Variants in FMC1 observed in about 807,000 individuals in gnomAD.
The protein encoded by FMC1 is formation of mitochondrial complex V assembly factor 1, also known as protein FMC1 homolog.
Under a neutral mutation model 10.5 loss-of-function variants are expected in FMC1, and 6 were observed. That is an observed-to-expected ratio of 0.57 (90% CI 0.31 to 1.12). FMC1 has a LOEUF of 1.12. Among genes scored for constraint, FMC1 ranks in the 50% most tolerant of loss-of-function variants. The probability of loss-of-function intolerance (pLI) is 0.05; values close to 1 mark genes in which losing one functional copy is unlikely to be tolerated. For synonymous variants in FMC1, 59 were observed against 62.1 expected, an observed-to-expected ratio of 0.95 and a Z score of 0.24; for missense variants, 146 against 151.7, an observed-to-expected ratio of 0.96 and a Z score of 0.20.
In FMC1 at chr7:139,345,491, G is replaced by C. The variant is rs751373629; in HGVS notation, c.139-10G>C. 8.2e-5 allele frequency: 132 copies of C among 1,613,900 alleles called. No homozygotes were observed. The South Asian group carries it at 1.1e-3, about 13-fold the overall frequency. On this transcript the variant is annotated splice_polypyrimidine_tract_variant and intron_variant, in intron 1 of 1. Transcript: ENST00000297534. Reference sequence around the variant, plus strand: ...CTGGGTTAAGAATTTCTGACTTGCTGCTTCTCTAGGTCACCAGTGAAAAGT... The same window carrying C: ...CTGGGTTAAGAATTTCTGACTTGCTCCTTCTCTAGGTCACCAGTGAAAAGT...
At chr7:139,343,666 G>A (rs1799112773) in intron 1 of FMC1, among the ~76,000 whole-genome samples, 1 of 152,144 alleles carries the variant, frequency 6.6e-6, no homozygotes, top group South Asian at 2.1e-4. Flanking sequence ...CAGGAGCGGT[G>A]GCTCACACCT....
chr7:139,345,421 G>T, intron 1 of FMC1, 80 bp from the exon 2 acceptor site: 11 of 1,565,168 alleles, frequency 7.0e-6, no homozygotes, highest in Non-Finnish European at 9.5e-6. Flanking sequence ...TCACTCTAGT[G>T]AATGCTTATT....
At chr7:139,341,719 G>T (rs6965212) in intron 1 of FMC1, among the ~76,000 whole-genome samples, 197 bp downstream of exon 1, 56,126 of 151,810 alleles carry the variant, frequency 0.37, 14,953 homozygotes, top group African/African-American at 0.76. Flanking sequence ...GGACCAGCGG[G>T]GGGGGGCGCA....
upstream of FMC1, chr7:139,341,035 C>G (rs931772180): frequency 4.5e-6 from 1 of 223,328 alleles, no homozygotes; most frequent in Non-Finnish European, 8.8e-6. Context: ...CAAATCCACA[C>G]CCACACCCCC....
Position 139,345,847 on chromosome 7 carries a change from T to C in FMC1, c.*143T>C. 1 of 902,686 alleles carries C rather than the reference T, an allele frequency of 1.1e-6. No homozygotes were observed. Among genetic ancestry groups the C allele is most frequent in the South Asian group, 2.1e-5 (1 of 47,088 alleles). 55.9% of individuals were successfully genotyped at this position (902,686 alleles called of 1,614,324 possible). ...AGTTCTTAGGGGAATTAACTGGACA[T>C]TTCATCTTTACTCTCAGTGAATTTA... On this transcript the variant is annotated 3_prime_UTR_variant, in exon 2 of 2. Coordinates refer to ENST00000297534, the MANE Select transcript of FMC1 (RefSeq NM_197964.5).
intron 1 of FMC1, among the ~76,000 whole-genome samples, chr7:139,343,850 A>C (rs554180064): frequency 5.0e-4 from 74 of 148,848 alleles, no homozygotes; most frequent in African/African-American, 1.8e-3. Context: ...CAGGAGGATC[A>C]CTTGAGCTGG....
chr7:139,341,181 G>A (rs1798933734), upstream of FMC1: 2 of 826,314 alleles, frequency 2.4e-6, no homozygotes, highest in Non-Finnish European at 3.5e-6. Flanking sequence ...TTAACAGTCG[G>A]GTTTCGTTTG....
In FMC1 at chr7:139,346,125, T is replaced by C. The variant is rs1038707979; in HGVS notation, c.*421T>C. 1 of 154,908 alleles carries C rather than the reference T, an allele frequency of 6.5e-6. No homozygotes were observed. The allele number at this position is 154,908 out of a possible 1,614,324, so 9.6% of individuals were successfully genotyped here. On this transcript the variant is annotated 3_prime_UTR_variant, in exon 2 of 2. Transcript: ENST00000297534. Reference sequence around the variant, plus strand: ...GGTGGCACATGCCTGTAATCCCAGCTACTCAGGAGGCTGGGACAGGAGAAT... The same window carrying C: ...GGTGGCACATGCCTGTAATCCCAGCCACTCAGGAGGCTGGGACAGGAGAAT...
At chr7:139,344,951 G>C (rs1163482436) in intron 1 of FMC1, 1 of 150,280 alleles carries the variant, frequency 6.7e-6, no homozygotes, top group Non-Finnish European at 1.5e-5. Context: ...CTGACCTTGT[G>C]ATCTGCCCGC....
chr7:139,341,905 G>A (rs1295915959), intron 1 of FMC1, among the ~76,000 whole-genome samples: 1 of 152,198 alleles, frequency 6.6e-6, no homozygotes, highest in Non-Finnish European at 1.5e-5. Context: ...TAGACTTAAA[G>A]CCACAGCATC....
Position 139,345,486 on chromosome 7 carries a change from T to A in FMC1, c.139-15T>A, listed in dbSNP as rs763749084. 3 of 1,613,974 alleles carry A rather than the reference T, an allele frequency of 1.9e-6. No homozygotes were observed. In the African/African-American group the frequency reaches 4.0e-5, roughly 22 times the overall value. ...TCTAGCTGGGTTAAGAATTTCTGAC[T>A]TGCTGCTTCTCTAGGTCACCAGTGA... On this transcript the variant is annotated splice_polypyrimidine_tract_variant and intron_variant, in intron 1 of 1. Coordinates refer to ENST00000297534, the MANE Select transcript of FMC1 (RefSeq NM_197964.5).
intron 1 of FMC1, among the ~76,000 whole-genome samples, chr7:139,342,717 C>G (rs1799054100): frequency 6.6e-6 from 1 of 152,186 alleles, no homozygotes; most frequent in African/African-American, 2.4e-5. Context: ...CTGCCTCGGC[C>G]TCCCAAAGTG....
chr7:139,342,331 G>A lies in FMC1; in HGVS notation c.138+809G>A, dbSNP rs1354034248. ...AAGGTTTTCCGGAGGAAATTAATCA[G>A]GGACCTGAAGGCTAATTTGGAGTTA... On this transcript the variant is annotated intron_variant, in intron 1 of 1. Transcript: ENST00000297534. Among the ~76,000 whole-genome samples the A allele has an allele frequency of 2.0e-5, 3 of 152,248 alleles. No individual in the cohort carries two copies. The South Asian group carries it at 6.2e-4, about 32-fold the overall frequency.
chr7:139,341,601 G>T, intron 1 of FMC1, 79 bp downstream of exon 1: 1 of 1,548,510 alleles, frequency 6.5e-7, no homozygotes. Flanking sequence ...GGGGAGCACG[G>T]TGTTTAATTC....
In FMC1 at chr7:139,344,695, C is replaced by CTT. The variant is rs1026301999; in HGVS notation, c.139-785_139-784dup. Among the ~76,000 whole-genome samples, 101 of 116,346 alleles carry CTT rather than the reference C, an allele frequency of 8.7e-4. 3 individuals are homozygous for CTT. The highest frequency in any genetic ancestry group is 1.2e-3 in the African/African-American group (39 of 32,650). The allele number at this position is 116,346 out of a possible 152,430, so 76.3% of individuals were successfully genotyped here. A position where few individuals can be genotyped will look rare whatever the true frequency, so the allele number is the denominator to read the frequency against. On this transcript the variant is annotated intron_variant, in intron 1 of 1. Transcript: ENST00000297534. The stretch of plus-strand genomic sequence containing the variant: ...CAGACAAAAGTTTTCAATTTTCTTT[C>CTT]TTTTTTTTTTTTTTTTTTTTTTGTT...
At chr7:139,341,593 G>A in intron 1 of FMC1, 71 bp downstream of exon 1, 1 of 1,562,650 alleles carries the variant, frequency 6.4e-7, no homozygotes, top group Non-Finnish European at 8.7e-7. Flanking sequence ...GCTAGGGTGG[G>A]GAGCACGGTG....
chr7:139,341,631 C>T, intron 1 of FMC1, 109 bp downstream of exon 1: 2 of 1,497,094 alleles, frequency 1.3e-6, no homozygotes, highest in South Asian at 1.3e-5. Context: ...TGAGGCCAAC[C>T]CTCCCACGGA....
upstream of FMC1, chr7:139,340,665 G>A: frequency 2.5e-6 from 1 of 395,554 alleles, no homozygotes; most frequent in Non-Finnish European, 4.5e-6. Context: ...GAGGAAAATA[G>A]TTGAATATGT....
chr7:139,341,632 C>T (rs1391472640), intron 1 of FMC1, 110 bp downstream of exon 1: 29 of 1,494,720 alleles, frequency 1.9e-5, no homozygotes. Flanking sequence ...GAGGCCAACC[C>T]TCCCACGGAG....
Sources: allele counts gnomAD v4.1 joint callset (sites outside exome capture counted in the v4.1 genomes callset), GRCh38; gene constraint gnomAD v4.1.1; transcripts MANE v1.5; gene names NCBI Gene and HGNC (gene_info 2026-07-23, HGNC 2026-07-21).